Variants in DOCK4 observed in about 807,000 individuals in gnomAD.
The protein encoded by DOCK4 is dedicator of cytokinesis 4.
DOCK4 carries 97 observed loss-of-function variants against 268.1 expected under a neutral mutation model. The ratio of observed to expected loss-of-function variants is 0.36; its 90% CI spans 0.31 to 0.43. The LOEUF is 0.43. Among genes scored for constraint, DOCK4 ranks in the 20% least tolerant of loss-of-function variants. The pLI is 1.00. For synonymous variants in DOCK4, 954 were observed against 887.2 expected, an observed-to-expected ratio of 1.08 and a Z score of -1.34; for missense variants, 2,145 against 2,455.7, an observed-to-expected ratio of 0.87 and a Z score of 2.67.
rs537325951 is a variant in DOCK4, at chr7:111,807,702, C to T, written c.3166+1119G>A. On this transcript the variant is annotated intron_variant, in intron 30 of 52. Coordinates refer to ENST00000428084, the MANE Select transcript of DOCK4 (RefSeq NM_001363540.2). ...TGTTGGCCAGGCTAGTCTCAAACTC[C>T]TGACCTCAAGTGATCTGCCCGCTCC... 2.6e-5 allele frequency: 4 copies of T among 152,262 alleles called. No homozygotes were observed. In the East Asian group the frequency reaches 7.7e-4, roughly 29 times the overall value. 9.4% of individuals were successfully genotyped at this position (152,262 alleles called of 1,614,324 possible).
chr7:111,898,012 T>C (rs1808906700), intron 15 of DOCK4, among the ~76,000 whole-genome samples: 1 of 152,178 alleles, frequency 6.6e-6, no homozygotes. Context: ...AATCTCTTAC[T>C]TGGAAGACTA....
At chr7:111,874,135 C>T (rs923733684) in intron 17 of DOCK4, among the ~76,000 whole-genome samples, 1 of 152,158 alleles carries the variant, frequency 6.6e-6, no homozygotes, top group Non-Finnish European at 1.5e-5. Flanking sequence ...CTTCAGGAGG[C>T]CTCCCCTCCC....
At chr7:112,080,461 G>A (rs1254719411) in intron 1 of DOCK4, among the ~76,000 whole-genome samples, 1 of 152,120 alleles carries the variant, frequency 6.6e-6, no homozygotes, top group African/African-American at 2.4e-5. Flanking sequence ...ATGATTTCTT[G>A]CATTGATAGA....
chr7:112,125,214 CAT>C (rs1170496745), intron 1 of DOCK4, among the ~76,000 whole-genome samples: 4 of 152,146 alleles, frequency 2.6e-5, no homozygotes, highest in South Asian at 2.1e-4. Context: ...TCGGGAAAAT[CAT>C]ATGTTTTCAG....
intron 47 of DOCK4, 70 bp from the exon 48 acceptor site, chr7:111,739,547 C>CA: frequency 7.6e-7 from 1 of 1,318,150 alleles, no homozygotes; most frequent in Non-Finnish European, 1.1e-6. Context: ...GTATTTGAAA[C>CA]AAAATCATCA....
intron 16 of DOCK4, among the ~76,000 whole-genome samples, chr7:111,892,216 T>G (rs920500659): frequency 5.9e-5 from 9 of 152,340 alleles, no homozygotes; most frequent in Admixed American, 2.6e-4. Flanking sequence ...ATTGATTGAT[T>G]TGAGACTGAG....
chr7:111,979,479 AT>A (rs10629057), intron 7 of DOCK4, among the ~76,000 whole-genome samples: 40 of 147,234 alleles, frequency 2.7e-4, no homozygotes, highest in Non-Finnish European at 3.3e-4. Flanking sequence ...TGCTTTAACA[AT>A]TTTTTTTTTT....
intron 41 of DOCK4, among the ~76,000 whole-genome samples, 154 bp downstream of exon 41, chr7:111,758,470 G>A (rs933252467): frequency 1.3e-5 from 2 of 152,182 alleles, no homozygotes; most frequent in South Asian, 2.1e-4. Flanking sequence ...TCTGATGCAC[G>A]TGGAGCTGCA....
chr7:112,096,970 C>A (rs184360806), intron 1 of DOCK4, among the ~76,000 whole-genome samples: 1 of 152,140 alleles, frequency 6.6e-6, no homozygotes, highest in Non-Finnish European at 1.5e-5. Flanking sequence ...GAAAGCAGAG[C>A]CTTAATACAG....
intron 1 of DOCK4, among the ~76,000 whole-genome samples, chr7:112,141,048 C>T (rs554239538): frequency 1.8e-4 from 27 of 152,238 alleles, no homozygotes; most frequent in African/African-American, 6.3e-4. Context: ...ATGACACACC[C>T]GGAACTACCA....
chr7:112,132,454 A>T lies in DOCK4; in HGVS notation c.37+73648T>A, dbSNP rs146483647. Among the ~76,000 whole-genome samples, 43 of 152,314 alleles carry T rather than the reference A, an allele frequency of 2.8e-4. No individual in the cohort carries two copies. The East Asian group carries it at 8.3e-3, about 29-fold the overall frequency. On this transcript the variant is annotated intron_variant, in intron 1 of 52. Transcript: ENST00000428084. ...AGCCTTGTGGCAGCTCACACAAAGG[A>T]TGCAATGTTAAAAATAGCATCAACA...
intron 1 of DOCK4, among the ~76,000 whole-genome samples, chr7:112,010,370 T>C (rs4730505): frequency 0.37 from 56,407 of 152,074 alleles, 11,315 homozygotes; most frequent in Non-Finnish European, 0.46. Flanking sequence ...AAGTATAGCA[T>C]AGAACTGTTT....
intron 1 of DOCK4, among the ~76,000 whole-genome samples, chr7:112,012,696 G>C (rs1464307827): frequency 6.6e-6 from 1 of 152,034 alleles, no homozygotes; most frequent in East Asian, 1.9e-4. Flanking sequence ...TTTCCAATGA[G>C]AGATGGTTAA....
At position 111,926,097 on chromosome 7, in the gene DOCK4, A is replaced by AC. The variant is rs1186801567; in HGVS notation, c.1066+9442_1066+9443insG. ...CGACAGAGCGAGACAAAGAAAAAAG[A>AC]AAGAGAGAGAGAGAGAAAGAGAAAA... On this transcript the variant is annotated intron_variant, in intron 12 of 52. Transcript: ENST00000428084. Among the ~76,000 whole-genome samples, 58 of 140,712 alleles carry AC rather than the reference A, an allele frequency of 4.1e-4. 3 individuals carry two copies. Among genetic ancestry groups the AC allele is most frequent in the African/African-American group, 1.5e-3 (53 of 35,698 alleles). The allele number at this position is 140,712 out of a possible 152,430, so 92.3% of individuals were successfully genotyped here. A position where few individuals can be genotyped will look rare whatever the true frequency, so the allele number is the denominator to read the frequency against.
At chr7:111,773,896 G>A (rs1798280663) in intron 36 of DOCK4, among the ~76,000 whole-genome samples, 1 of 151,812 alleles carries the variant, frequency 6.6e-6, no homozygotes, top group South Asian at 2.1e-4. Context: ...ATGTGCCTGT[G>A]GTCCCAACTA....
intron 1 of DOCK4, among the ~76,000 whole-genome samples, chr7:112,129,575 A>G (rs1451323015): frequency 1.3e-5 from 2 of 152,194 alleles, no homozygotes; most frequent in Non-Finnish European, 2.9e-5. Context: ...ACAACAATGT[A>G]CCAATTTTAA....
chr7:111,795,022 G>A (rs976360333), intron 30 of DOCK4, among the ~76,000 whole-genome samples: 1 of 152,164 alleles, frequency 6.6e-6, no homozygotes, highest in East Asian at 1.9e-4. Flanking sequence ...GAAAGGAAGA[G>A]GGATTTTTTT....
rs1317547761 is a variant in DOCK4, at chr7:111,872,053, T to C, written c.1964A>G (p.His655Arg). 3.2e-6 allele frequency: 5 copies of C among 1,553,976 alleles called. No individual in the cohort carries two copies. In the Admixed American group the frequency reaches 5.9e-5, roughly 18 times the overall value. The change falls in exon 20 of 53, where the codon CAT becomes CGT. Residue 655 changes from histidine to arginine, a missense_variant. Physicochemically the swap from His to Arg is conservative, Grantham distance 29. Around this residue, in one of 2 missense-constraint regions of DOCK4, gnomAD observed 1,598 missense variants for 1,986.7 expected, o/e 0.80. Coordinates refer to ENST00000428084, the MANE Select transcript of DOCK4 (RefSeq NM_001363540.2). The stretch of plus-strand genomic sequence containing the variant: ...AGTGTCCATTACAGGTTTAAAATGA[T>C]GAAATTTGCTATCTTGCAGCAAATT... ...IINLLQDSKF[H>R]HFKPVMDTYI...
At chr7:112,106,415 TG>T in intron 1 of DOCK4, among the ~76,000 whole-genome samples, 1 of 152,048 alleles carries the variant, frequency 6.6e-6, no homozygotes, top group South Asian at 2.1e-4. Context: ...CACACAGAGG[TG>T]GGGTGCTAAG....
Sources: allele counts gnomAD v4.1 joint callset (sites outside exome capture counted in the v4.1 genomes callset), GRCh38; gene constraint gnomAD v4.1.1; regional missense constraint gnomAD v4.1.1; transcripts MANE v1.5; gene names NCBI Gene and HGNC (gene_info 2026-07-23, HGNC 2026-07-21).